AVPR1B: variants seen among roughly 807,000 people sequenced by gnomAD.
The protein encoded by AVPR1B is vasopressin V1b receptor.
Under a neutral mutation model 27.5 loss-of-function variants are expected in AVPR1B, and 25 were observed. The observed-to-expected ratio is 0.91, with a 90% CI of 0.66 to 1.27. The LOEUF (loss-of-function observed/expected upper bound fraction) is 1.27. AVPR1B is among the 50% of genes most tolerant of loss of function. The pLI is 0.00. For missense variants in AVPR1B, 595 were observed against 556.9 expected, an observed-to-expected ratio of 1.07 and a Z score of -0.69; for synonymous variants, 248 against 240.2, an observed-to-expected ratio of 1.03 and a Z score of -0.30.
In AVPR1B at chr1:206,116,595, C is replaced by T. The variant is rs1157916034; in HGVS notation, c.296G>A (p.Arg99His). 12 of 1,613,984 alleles carry T rather than the reference C, an allele frequency of 7.4e-6. No individual in the cohort carries two copies. The highest frequency in any genetic ancestry group is 4.5e-5 in the East Asian group (2 of 44,894). Reference sequence around the variant, plus strand: ...GCACAGGAGGTCGGGGCCCTGGAAGCGGTAGGTGATGTCCCACAGCAGCTG... The same window carrying T: ...GCACAGGAGGTCGGGGCCCTGGAAGTGGTAGGTGATGTCCCACAGCAGCTG... Reference protein sequence around the residue: ...LPQLLWDITYRFQGPDLLCRA... With the variant: ...LPQLLWDITYHFQGPDLLCRA... The change falls in exon 1 of 2, where the codon CGC (arginine) becomes CAC (histidine). Residue 99 changes from arginine to histidine, a missense_variant. Physicochemically the swap from Arg to His is conservative, Grantham distance 29. Transcript: ENST00000367126.
chr1:206,110,431 G>A lies in AVPR1B; in HGVS notation c.1033C>T (p.Leu345=), dbSNP rs1188578991. The A allele has an allele frequency of 9.3e-6, 15 of 1,613,870 alleles. No homozygotes were observed. Among genetic ancestry groups the A allele is most frequent in the Middle Eastern group, 1.6e-4 (1 of 6,084 alleles). The part of the protein sequence containing the change: ...PWIYMGFNSH[L]LPRPLRHLAC... Reference sequence around the variant, plus strand: ...AGGTGACGCAGGGGCCGCGGTAACAGGTGGCTGTTGAAGCCCATGTAGATC... The same window carrying A: ...AGGTGACGCAGGGGCCGCGGTAACAAGTGGCTGTTGAAGCCCATGTAGATC... The change falls in exon 2 of 2, where the codon CTG becomes TTG. Residue 345 remains leucine (L), a synonymous_variant. Transcript: ENST00000367126.
Position 206,108,461 on chromosome 1 carries a change from C to T in AVPR1B, c.*1728G>A, listed in dbSNP as rs369371326. Among the ~76,000 whole-genome samples the T allele has an allele frequency of 2.9e-4, 44 of 152,302 alleles. 1 individual carries two copies. The highest frequency in any genetic ancestry group is 9.9e-4 in the African/African-American group (41 of 41,558). ...GAGTGGCCTCTTAAAGAAGTATATC[C>T]GCAAAGCCACAGTCATTCCTCAAAG... is the stretch of plus-strand genomic sequence containing the variant. On this transcript the variant is annotated 3_prime_UTR_variant, in exon 2 of 2. Transcript: ENST00000367126.
Position 206,110,006 on chromosome 1 carries a change from G to A in AVPR1B, c.*183C>T. On this transcript the variant is annotated 3_prime_UTR_variant, in exon 2 of 2. Transcript: ENST00000367126. ...TCTGAGATTGGGAGCTTATGAGGCA[G>A]CCCTCACACTAGGGGCAGCTGTGAC... The A allele has an allele frequency of 1.6e-6, 1 of 643,570 alleles. No individual in the cohort carries two copies. The highest frequency in any genetic ancestry group is 2.6e-6 in the Non-Finnish European group (1 of 378,374). 39.9% of individuals were successfully genotyped at this position (643,570 alleles called of 1,614,324 possible).
chr1:206,111,310 G>A (rs782574251), intron 1 of AVPR1B, among the ~76,000 whole-genome samples: 6 of 152,190 alleles, frequency 3.9e-5, no homozygotes, highest in Admixed American at 1.3e-4. Flanking sequence ...AAAATGTGAG[G>A]ATGCCAAGGC....
chr1:206,107,075 T>A lies in AVPR1B; in HGVS notation c.*3114A>T, dbSNP rs782604124. 4.6e-5 allele frequency among the ~76,000 whole-genome samples: 7 copies of A among 152,192 alleles called. No individual in the cohort carries two copies. The highest frequency in any genetic ancestry group is 1.0e-4 in the Non-Finnish European group (7 of 68,038). ...TTACATACAAAACACAGACACATTA[T>A]CTGGGAAAGTACTGGCCTGTGCCAA... On this transcript the variant is annotated 3_prime_UTR_variant, in exon 2 of 2. Coordinates refer to ENST00000367126, the MANE Select transcript of AVPR1B (RefSeq NM_000707.5).
At position 206,116,129 on chromosome 1, in the gene AVPR1B, G is replaced by C. The variant is rs1317011219; in HGVS notation, c.762C>G (p.Thr254=). ...GCAGCCCCCGAGTGGTGGCAGCTAAGGTGGAAGGTGAGGGCCTGTCCCAAG... is the reference window on the plus strand; with the variant it reads ...GCAGCCCCCGAGTGGTGGCAGCTAACGTGGAAGGTGAGGGCCTGTCCCAAG... The part of the protein sequence containing the change: ...WRTWDRPSPS[T]LAATTRGLPS... Residue 254 remains threonine (T), a synonymous_variant, in exon 1 of 2, where the codon ACC becomes ACG. Coordinates refer to ENST00000367126, the MANE Select transcript of AVPR1B (RefSeq NM_000707.5). 6.2e-7 allele frequency: 1 copy of C among 1,614,124 alleles called. No individual in the cohort carries two copies. Among genetic ancestry groups the C allele is most frequent in the Non-Finnish European group, 8.5e-7 (1 of 1,180,016 alleles).
intron 1 of AVPR1B, among the ~76,000 whole-genome samples, chr1:206,115,750 G>T (rs550285783): frequency 6.6e-6 from 1 of 152,196 alleles, no homozygotes; most frequent in Admixed American, 6.5e-5. Flanking sequence ...GAAATTTCAC[G>T]TAAAAGATAC....
At chr1:206,115,482 G>A (rs781810928) in intron 1 of AVPR1B, among the ~76,000 whole-genome samples, 2 of 152,194 alleles carry the variant, frequency 1.3e-5, no homozygotes, top group Non-Finnish European at 2.9e-5. Context: ...TGAAGAGGTT[G>A]AACTGGAAAT....
chr1:206,115,319 TCCGAGA>T (rs1553290329), intron 1 of AVPR1B, among the ~76,000 whole-genome samples: 3 of 152,190 alleles, frequency 2.0e-5, no homozygotes, highest in Non-Finnish European at 1.5e-5. Context: ...CTCTCCCCTC[TCCGAGA>T]GTGTTACTGT....
chr1:206,111,645 G>A (rs1163347651), intron 1 of AVPR1B, among the ~76,000 whole-genome samples: 1 of 152,208 alleles, frequency 6.6e-6, no homozygotes, highest in Non-Finnish European at 1.5e-5. Context: ...AAAAGGCAAA[G>A]CTCAACTGCC....
In AVPR1B at chr1:206,108,146, G is replaced by T. The variant is rs540504520; in HGVS notation, c.*2043C>A. On this transcript the variant is annotated 3_prime_UTR_variant, in exon 2 of 2. Coordinates refer to ENST00000367126, the MANE Select transcript of AVPR1B (RefSeq NM_000707.5). ...GCAAGGGGGTGGGGAGGCCGCTTTTGTAAGCAGGGGAAGGAGCAGATTCAA... is the reference window on the plus strand; with the variant it reads ...GCAAGGGGGTGGGGAGGCCGCTTTTTTAAGCAGGGGAAGGAGCAGATTCAA... Among the ~76,000 whole-genome samples, 17 of 152,324 alleles carry T rather than the reference G, an allele frequency of 1.1e-4. No individual in the cohort carries two copies. The highest frequency in any genetic ancestry group is 2.2e-4 in the Non-Finnish European group (15 of 68,016).
chr1:206,109,902 A>T lies in AVPR1B; in HGVS notation c.*287T>A, dbSNP rs33935503. On this transcript the variant is annotated 3_prime_UTR_variant, in exon 2 of 2. Transcript: ENST00000367126. ...CATCCTAGGCCTGCCTAGATCTGGG[A>T]CACCATGTGTGCATGGACACCCTAT... The T allele has an allele frequency of 0.13, 51,112 of 398,906 alleles. 3,697 individuals are homozygous for T. Among genetic ancestry groups the T allele is most frequent in the South Asian group, 0.2 (4,785 of 23,430 alleles). The allele number at this position is 398,906 out of a possible 1,614,324, so 24.7% of individuals were successfully genotyped here.
rs782074794 is a variant in AVPR1B, at chr1:206,116,694, C to A, written c.197G>T (p.Arg66Leu). The change falls in exon 1 of 2, where the codon CGC becomes CTC. Residue 66 changes from arginine (R) to leucine (L), a missense_variant. Arg to Leu is a moderately radical substitution (Grantham distance 102, BLOSUM62 -2). Transcript: ENST00000367126. ...LLTLGQLGRK[R>L]SRMHLFVLHL... ...CAGCACGAACAGGTGCATGCGGGAG[C>A]GCTTGCGGCCCAGCTGGCCCAGGGT... The A allele has an allele frequency of 4.4e-6, 7 of 1,608,158 alleles. No homozygotes were observed. Among genetic ancestry groups the A allele is most frequent in the Non-Finnish European group, 5.9e-6 (7 of 1,176,688 alleles).
chr1:206,115,380 C>T (rs991765401), intron 1 of AVPR1B, among the ~76,000 whole-genome samples: 5 of 152,216 alleles, frequency 3.3e-5, no homozygotes, highest in Admixed American at 3.3e-4. Context: ...GTGTCACATC[C>T]AATTCTTTGT....
At position 206,110,089 on chromosome 1, in the gene AVPR1B, A is replaced by G; in HGVS notation, c.*100T>C. On this transcript the variant is annotated 3_prime_UTR_variant, in exon 2 of 2. Transcript: ENST00000367126. The stretch of plus-strand genomic sequence containing the variant: ...CTCCGCTTTAGACAGGGCTCCTCTA[A>G]CTCCAACCCTTACCCTCCCAGCTCT... 1 of 1,374,288 alleles carries G rather than the reference A, an allele frequency of 7.3e-7. No homozygotes were observed. The allele number at this position is 1,374,288 out of a possible 1,614,324, so 85.1% of individuals were successfully genotyped here.
chr1:206,113,529 T>TAA (rs1360350949), intron 1 of AVPR1B, among the ~76,000 whole-genome samples: 1 of 152,090 alleles, frequency 6.6e-6, no homozygotes, highest in Non-Finnish European at 1.5e-5. Context: ...AGGTCCTTGG[T>TAA]AAGTGGTGAA....
rs1383455794 is a variant in AVPR1B at position 206,116,661 on chromosome 1, G to A, written c.230C>T (p.Ala77Val). ...SRMHLFVLHLALTDLAVALFQ... is the reference protein window; with the variant it reads ...SRMHLFVLHLVLTDLAVALFQ... ...GAGCGCCACGGCCAGGTCTGTCAGG[G>A]CTAAGTGCAGCACGAACAGGTGCAT... The change falls in exon 1 of 2, where the codon GCC (alanine) becomes GTC (valine). Residue 77 changes from alanine (A) to valine (V), a missense_variant. By Grantham distance (64) the Ala-to-Val change is moderately conservative. Coordinates refer to ENST00000367126, the MANE Select transcript of AVPR1B (RefSeq NM_000707.5). The A allele has an allele frequency of 6.2e-7, 1 of 1,611,502 alleles. No individual in the cohort carries two copies. The highest frequency in any genetic ancestry group is 8.5e-7 in the Non-Finnish European group (1 of 1,178,734).
In AVPR1B at chr1:206,107,277, G is replaced by A. The variant is rs1475069512; in HGVS notation, c.*2912C>T. On this transcript the variant is annotated 3_prime_UTR_variant, in exon 2 of 2. Coordinates refer to ENST00000367126, the MANE Select transcript of AVPR1B (RefSeq NM_000707.5). ...TTACACAAGTGCCCAGCCAGAGACG[G>A]CATTGTTCAGTTTCTCCTGGGGTTA... 2.6e-5 allele frequency among the ~76,000 whole-genome samples: 4 copies of A among 152,174 alleles called. No individual in the cohort carries two copies. Among genetic ancestry groups the A allele is most frequent in the African/African-American group, 7.2e-5 (3 of 41,430 alleles).
chr1:206,111,358 A>T (rs530524954), intron 1 of AVPR1B, among the ~76,000 whole-genome samples: 1 of 152,338 alleles, frequency 6.6e-6, no homozygotes, highest in Non-Finnish European at 1.5e-5. Context: ...CTTTCTAAAG[A>T]CTAAATGAAA....
Sources: allele counts gnomAD v4.1 joint callset (sites outside exome capture counted in the v4.1 genomes callset), GRCh38; gene constraint gnomAD v4.1.1; transcripts MANE v1.5; gene names NCBI Gene and HGNC (gene_info 2026-07-23, HGNC 2026-07-21).